Variants in KCNK10 observed in about 807,000 individuals in gnomAD.
The protein encoded by KCNK10 is potassium two pore domain channel subfamily K member 10, also known as potassium channel subfamily K member 10.
KCNK10 carries 25 observed loss-of-function variants against 47.7 expected under a neutral mutation model. That is an observed-to-expected ratio of 0.52 (90% CI 0.38 to 0.73). KCNK10 has a LOEUF of 0.73. Ranked by LOEUF, KCNK10 falls within the 30% of genes least tolerant of loss-of-function variation. KCNK10 has a pLI of 0.00. For missense variants in KCNK10, 563 were observed against 714.5 expected, an observed-to-expected ratio of 0.79 and a Z score of 2.42; for synonymous variants, 303 against 285.6, an observed-to-expected ratio of 1.06 and a Z score of -0.61.
chr14:88,225,405 T>C (rs1566692216), intron 4 of KCNK10, among the ~76,000 whole-genome samples: 2 of 77,864 alleles, frequency 2.6e-5, no homozygotes, highest in East Asian at 6.7e-4. Context: ...AGCATAAAGA[T>C]GAAATGTGAG....
At chr14:88,227,617 T>C in intron 3 of KCNK10, 82 bp from the exon 4 acceptor site, 3 of 1,320,074 alleles carry the variant, frequency 2.3e-6, no homozygotes, top group Non-Finnish European at 3.1e-6. Flanking sequence ...TTTTAAAAGT[T>C]TGTACATTCC....
At chr14:88,274,395 C>G (rs1004123229) in intron 1 of KCNK10, among the ~76,000 whole-genome samples, 3 of 151,718 alleles carry the variant, frequency 2.0e-5, no homozygotes, top group Non-Finnish European at 4.4e-5. Flanking sequence ...AACCCTGTCT[C>G]TACTAAAAAT....
intron 1 of KCNK10, among the ~76,000 whole-genome samples, chr14:88,302,335 T>C (rs1328688093): frequency 3.3e-5 from 5 of 152,194 alleles, no homozygotes; most frequent in Non-Finnish European, 7.3e-5. Flanking sequence ...CAGGTCTAAC[T>C]ATTTGGGCAT....
chr14:88,323,376 A>G (rs891096740), upstream of KCNK10: 11 of 868,720 alleles, frequency 1.3e-5, no homozygotes, highest in African/African-American at 1.8e-4. Context: ...CCCGAAAGCC[A>G]TTGGATGTAG....
chr14:88,184,855 T>A lies in KCNK10; in HGVS notation c.*680A>T, dbSNP rs927734172. 2.6e-5 allele frequency: 4 copies of A among 152,502 alleles called. No individual in the cohort carries two copies. The East Asian group carries it at 7.5e-4, about 29-fold the overall frequency. 9.4% of individuals were successfully genotyped at this position (152,502 alleles called of 1,614,324 possible). A position where few individuals can be genotyped will look rare whatever the true frequency, so the allele number is the denominator to read the frequency against. On this transcript the variant is annotated 3_prime_UTR_variant, in exon 7 of 7. Transcript: ENST00000319231. ...GACCAAACTCAGCAGGCTTCTGTCA[T>A]TGGTTAAGGTGATATCCACAGTGTG...
intron 1 of KCNK10, among the ~76,000 whole-genome samples, chr14:88,294,410 C>T (rs969752417): frequency 5.3e-5 from 8 of 152,202 alleles, no homozygotes; most frequent in Non-Finnish European, 7.3e-5. Context: ...GCAAAGAAGA[C>T]GAATCAAGAA....
chr14:88,243,999 A>C (rs927515431), intron 2 of KCNK10, among the ~76,000 whole-genome samples: 2 of 152,022 alleles, frequency 1.3e-5, no homozygotes, highest in Non-Finnish European at 2.9e-5. Context: ...GTTATGGGCA[A>C]AGTAGGGCCA....
chr14:88,229,341 G>C (rs955934518), intron 3 of KCNK10, among the ~76,000 whole-genome samples: 1 of 152,008 alleles, frequency 6.6e-6, no homozygotes. Context: ...GAAAGATCTG[G>C]ATCAAATTCC....
chr14:88,218,743 G>A (rs983534268), intron 4 of KCNK10, among the ~76,000 whole-genome samples: 1 of 152,068 alleles, frequency 6.6e-6, no homozygotes, highest in Non-Finnish European at 1.5e-5. Flanking sequence ...ATCCTATCAA[G>A]TGATAATCAG....
intron 2 of KCNK10, among the ~76,000 whole-genome samples, chr14:88,246,743 G>A (rs1329065281): frequency 6.6e-6 from 1 of 152,222 alleles, no homozygotes; most frequent in Non-Finnish European, 1.5e-5. Context: ...AACAGGGAAA[G>A]TTCTTGGATA....
intron 4 of KCNK10, among the ~76,000 whole-genome samples, chr14:88,206,541 C>G (rs942563183): frequency 2.0e-5 from 3 of 152,222 alleles, no homozygotes; most frequent in African/African-American, 7.2e-5. Context: ...AATAGATTAG[C>G]TGGAACCTTG....
intron 4 of KCNK10, among the ~76,000 whole-genome samples, chr14:88,224,033 A>C (rs1017814739): frequency 3.3e-5 from 5 of 152,004 alleles, no homozygotes; most frequent in Non-Finnish European, 7.4e-5. Context: ...AAAAAAAAAA[A>C]AGAAAATTGT....
intron 1 of KCNK10, among the ~76,000 whole-genome samples, chr14:88,315,046 C>T (rs1335398877): frequency 2.0e-5 from 3 of 152,176 alleles, no homozygotes; most frequent in Non-Finnish European, 4.4e-5. Flanking sequence ...TGAGTGGCAG[C>T]GCCAGCCCTA....
Position 88,319,444 on chromosome 14 carries a change from C to A in KCNK10, c.52+3303G>T, listed in dbSNP as rs992064635. Among the ~76,000 whole-genome samples, 5 of 152,298 alleles carry A rather than the reference C, an allele frequency of 3.3e-5. No homozygotes were observed. The South Asian group carries it at 6.2e-4, about 19-fold the overall frequency. ...CTTTCCCCTAATACTGCTGGGCTCCCCTTCATCTTTTCCCTGCTAAACACA... is the reference window on the plus strand; with the variant it reads ...CTTTCCCCTAATACTGCTGGGCTCCACTTCATCTTTTCCCTGCTAAACACA... On this transcript the variant is annotated intron_variant, in intron 1 of 6. Transcript: ENST00000319231.
intron 1 of KCNK10, among the ~76,000 whole-genome samples, chr14:88,318,056 G>T (rs1484128403): frequency 6.6e-6 from 1 of 152,172 alleles, no homozygotes; most frequent in Non-Finnish European, 1.5e-5. Context: ...CTTACTTCGG[G>T]TCAAAGACGA....
chr14:88,219,899 T>C (rs1052269017), intron 4 of KCNK10, among the ~76,000 whole-genome samples: 2 of 152,186 alleles, frequency 1.3e-5, no homozygotes, highest in Non-Finnish European at 2.9e-5. Flanking sequence ...ACTTTGAGAA[T>C]CACTGGTCCA....
At chr14:88,290,741 C>T (rs116271381) in intron 1 of KCNK10, among the ~76,000 whole-genome samples, 4,726 of 152,298 alleles carry the variant, frequency 0.031, 263 homozygotes, top group African/African-American at 0.11. Context: ...TGAGAAAATT[C>T]TTGCCAATGT....
upstream of KCNK10, chr14:88,326,714 T>C: frequency 2.0e-6 from 1 of 507,726 alleles, no homozygotes; most frequent in South Asian, 2.6e-5. Flanking sequence ...GCTCAAAACC[T>C]GCCCGGCTGG....
rs1887313825 is a variant in KCNK10, at chr14:88,268,129, G to A, written c.53-4578C>T. On this transcript the variant is annotated intron_variant, in intron 1 of 6. Coordinates refer to ENST00000319231, the MANE Select transcript of KCNK10 (RefSeq NM_138317.3). ...GTAAGTCTGACCCCTGGAAAAGGAA[G>A]GAAAGAAGGAAGGAGGAGGTAAGCA... Among the ~76,000 whole-genome samples, 5 of 152,286 alleles carry A rather than the reference G, an allele frequency of 3.3e-5. No homozygotes were observed. The South Asian group carries it at 1.0e-3, about 32-fold the overall frequency.
Sources: gnomAD v4.1 joint callset for allele counts (sites outside exome capture counted in the v4.1 genomes callset) on GRCh38, gnomAD v4.1.1 for gene constraint, MANE v1.5 for transcripts, NCBI Gene and HGNC (gene_info 2026-07-23, HGNC 2026-07-21) for gene names.